PCDHA2: variants seen among roughly 807,000 people sequenced by gnomAD.
PCDHA2 encodes protocadherin alpha-2.
Under a neutral mutation model 66.0 loss-of-function variants are expected in PCDHA2, and 58 were observed. That is an observed-to-expected ratio of 0.88 (90% CI 0.71 to 1.09). The LOEUF is 1.09. Ranked by LOEUF, PCDHA2 falls within the 50% of genes least tolerant of loss-of-function variation. PCDHA2 has a pLI of 0.00. For synonymous variants in PCDHA2, 634 were observed against 554.0 expected (o/e 1.14, Z -2.03); for missense variants, 1,267 against 1,242.3 (o/e 1.02, Z -0.30).
intron 1 of PCDHA2, among the ~76,000 whole-genome samples, chr5:140,925,337 A>G (rs2082438861): frequency 6.6e-6 from 1 of 152,072 alleles, no homozygotes; most frequent in South Asian, 2.1e-4. Flanking sequence ...TAAAAGAAGG[A>G]TTTGAGTGAG....
intron 3 of PCDHA2, among the ~76,000 whole-genome samples, chr5:141,000,393 C>CTATA (rs1563650230): frequency 1.3e-4 from 7 of 52,858 alleles, no homozygotes; most frequent in Admixed American, 2.8e-4. Context: ...CTCTCTCTCT[C>CTATA]TCTATATATA....
At chr5:140,856,650 G>T in intron 1 of PCDHA2, 1 of 1,598,142 alleles carries the variant, frequency 6.3e-7, no homozygotes, top group Admixed American at 1.7e-5. Context: ...CTGCTGGATC[G>T]TGAAGAAAAT....
intron 1 of PCDHA2, among the ~76,000 whole-genome samples, chr5:140,948,711 C>CT (rs1443735728): frequency 6.8e-6 from 1 of 147,398 alleles, no homozygotes; most frequent in African/African-American, 2.7e-5. Context: ...GTTCTATCCT[C>CT]TTTTTTATCA....
In PCDHA2 at chr5:140,843,038, AC is replaced by A. The variant is rs1778505968; in HGVS notation, c.2388+45687del. On this transcript the variant is annotated intron_variant, in intron 1 of 3. Coordinates refer to ENST00000526136, the MANE Select transcript of PCDHA2 (RefSeq NM_018905.3). Reference sequence around the variant, plus strand: ...ACTGCTGGAGCCTCGGGTGGGTGGCACTGGTGGCGCAGCGAGCAAGCTGGTG... The same window carrying A: ...ACTGCTGGAGCCTCGGGTGGGTGGCATGGTGGCGCAGCGAGCAAGCTGGTG... 4.4e-6 allele frequency: 7 copies of A among 1,595,166 alleles called. 1 individual carries two copies. The highest frequency in any genetic ancestry group is 6.0e-6 in the Non-Finnish European group (7 of 1,165,358).
chr5:140,922,177 A>G (rs1194396252), intron 1 of PCDHA2, among the ~76,000 whole-genome samples: 1 of 69,034 alleles, frequency 1.4e-5, no homozygotes, highest in Non-Finnish European at 3.3e-5. Context: ...TACAGCAGAC[A>G]AAAAAAAAGT....
intron 1 of PCDHA2, among the ~76,000 whole-genome samples, chr5:140,925,025 C>T (rs1180931899): frequency 6.6e-6 from 1 of 151,492 alleles, no homozygotes; most frequent in Non-Finnish European, 1.5e-5. Context: ...ATGGGAGGAT[C>T]GCTTGAGCCC....
In PCDHA2 at chr5:141,011,249, G is replaced by A. The variant is rs1159894108; in HGVS notation, c.*1312G>A. The A allele has an allele frequency of 6.5e-6, 1 of 153,682 alleles. No homozygotes were observed. The highest frequency in any genetic ancestry group is 1.5e-5 in the Non-Finnish European group (1 of 68,038). The allele number at this position is 153,682 out of a possible 1,614,324, so 9.5% of individuals were successfully genotyped here. On this transcript the variant is annotated 3_prime_UTR_variant, in exon 4 of 4. Coordinates refer to ENST00000526136, the MANE Select transcript of PCDHA2 (RefSeq NM_018905.3). ...TACTAATTCTGTGACTTGTCTTGGT[G>A]TGCTAGCCTACACCTTCTCTTTGGT... is the stretch of plus-strand genomic sequence containing the variant.
chr5:141,006,180 A>C (rs1554260594), intron 3 of PCDHA2, among the ~76,000 whole-genome samples: 5 of 150,546 alleles, frequency 3.3e-5, no homozygotes, highest in Non-Finnish European at 7.4e-5. Context: ...TTTTTAAAAG[A>C]GTTTGCTATA....
intron 1 of PCDHA2, among the ~76,000 whole-genome samples, chr5:140,946,113 G>T (rs1241993026): frequency 6.6e-6 from 1 of 151,816 alleles, no homozygotes; most frequent in Non-Finnish European, 1.5e-5. Context: ...AAATATATAA[G>T]GAACTCAAAC....
intron 1 of PCDHA2, among the ~76,000 whole-genome samples, chr5:140,915,441 A>G (rs2077120331): frequency 6.6e-6 from 1 of 152,052 alleles, no homozygotes; most frequent in African/African-American, 2.4e-5. Context: ...GTCCTTCTTG[A>G]GAAGGTTTTC....
intron 1 of PCDHA2, among the ~76,000 whole-genome samples, chr5:140,959,469 A>G (rs1180811354): frequency 5.3e-5 from 8 of 152,226 alleles, no homozygotes; most frequent in East Asian, 1.9e-4. Context: ...GTTGGCATCA[A>G]TCAAGGCATA....
At position 140,842,992 on chromosome 5, in the gene PCDHA2, C is replaced by T. The variant is rs144435690; in HGVS notation, c.2388+45640C>T. The T allele has an allele frequency of 5.2e-4, 826 of 1,594,968 alleles. 57 individuals carry two copies. In the African/African-American group the frequency reaches 9.5e-3, roughly 18 times the overall value. On this transcript the variant is annotated intron_variant, in intron 1 of 3. Transcript: ENST00000526136. ...TGACGCTGCAGGTGTTCGTGCTGGA[C>T]GAGAATGACAACGCGCCGGCACTGC...
At chr5:140,957,855 T>TC (rs1398127159) in intron 1 of PCDHA2, among the ~76,000 whole-genome samples, 1 of 151,980 alleles carries the variant, frequency 6.6e-6, no homozygotes, top group Non-Finnish European at 1.5e-5. Context: ...TTTGTGTATT[T>TC]TTTTTCCTAT....
rs2150441270 is a variant in PCDHA2, at chr5:140,849,579, G to A, written c.2388+52227G>A. ...AACGCTCTCGGTTCCTGTAAAAGAG[G>A]ACGCACAACTGGGGACAGTTATTGC... On this transcript the variant is annotated intron_variant, in intron 1 of 3. Coordinates refer to ENST00000526136, the MANE Select transcript of PCDHA2 (RefSeq NM_018905.3). 7 of 1,598,680 alleles carry A rather than the reference G, an allele frequency of 4.4e-6. 3 individuals carry two copies. The highest frequency in any genetic ancestry group is 2.2e-5 in the South Asian group (2 of 90,552).
intron 1 of PCDHA2, chr5:140,968,057 C>T (rs781959040): frequency 1.5e-5 from 24 of 1,613,992 alleles, no homozygotes; most frequent in East Asian, 6.7e-5. Context: ...GGACCGAGAG[C>T]GGGTGGCTGT....
intron 1 of PCDHA2, chr5:140,928,899 T>C (rs2085633672): frequency 2.5e-6 from 4 of 1,614,088 alleles, no homozygotes; most frequent in South Asian, 1.1e-5. Flanking sequence ...ACTTTGAAGA[T>C]GTCTGGGAAC....
intron 3 of PCDHA2, among the ~76,000 whole-genome samples, chr5:141,003,809 G>C (rs1554259330): frequency 6.6e-6 from 1 of 152,290 alleles, no homozygotes; most frequent in African/African-American, 2.4e-5. Flanking sequence ...GTAATCTGTA[G>C]TCTGGGAAGG....
At chr5:140,808,620 C>T (rs1554124661) in intron 1 of PCDHA2, 1 of 1,613,738 alleles carries the variant, frequency 6.2e-7, no homozygotes, top group Admixed American at 1.7e-5. Context: ...TTCACTGTGT[C>T]TGCGTGGGAC....
chr5:140,870,833 A>G (rs782800341), intron 1 of PCDHA2: 3 of 1,613,654 alleles, frequency 1.9e-6, no homozygotes, highest in Admixed American at 3.3e-5. Context: ...GGCGCAGTTA[A>G]CAAGCTAGTA....
Sources: allele counts gnomAD v4.1 joint callset (sites outside exome capture counted in the v4.1 genomes callset), GRCh38; gene constraint gnomAD v4.1.1; transcripts MANE v1.5; gene names NCBI Gene and HGNC (gene_info 2026-07-23, HGNC 2026-07-21).